Variants in OR1J2 observed in about 807,000 individuals in gnomAD.
OR1J2 encodes olfactory receptor 1J2.
For synonymous variants in OR1J2, 142 were observed against 99.7 expected, an observed-to-expected ratio of 1.42 and a Z score of -2.52; for missense variants, 304 against 246.1, an observed-to-expected ratio of 1.24 and a Z score of -1.57.
At chr9:122,558,240 GT>G in the OR1J2 span, among the ~76,000 whole-genome samples, 1 of 121,516 alleles carries the variant, frequency 8.2e-6, no homozygotes, top group Non-Finnish European at 1.8e-5. Flanking sequence ...AATTTTTATT[GT>G]TTTTTTCTTG....
chr9:122,529,488 A>G, the OR1J2 span, among the ~76,000 whole-genome samples: 1 of 152,190 alleles, frequency 6.6e-6, no homozygotes, highest in Admixed American at 6.5e-5. Context: ...TAGGGCACCA[A>G]CTGCTTAACA....
chr9:122,546,304 C>T, the OR1J2 span, among the ~76,000 whole-genome samples: 1 of 152,232 alleles, frequency 6.6e-6, no homozygotes, highest in East Asian at 1.9e-4. Context: ...GCCACTCTTC[C>T]TATTGAGAGA....
the OR1J2 span, among the ~76,000 whole-genome samples, chr9:122,494,246 G>C: frequency 6.6e-6 from 1 of 152,226 alleles, no homozygotes; most frequent in South Asian, 2.1e-4. Context: ...TTGACTTTCT[G>C]TCTTGATAAC....
chr9:122,536,802 A>T, the OR1J2 span, among the ~76,000 whole-genome samples: 3 of 152,168 alleles, frequency 2.0e-5, no homozygotes, highest in Non-Finnish European at 4.4e-5. Flanking sequence ...TGCCAGCACC[A>T]TTTATTGAAT....
chr9:122,567,235 T>A, the OR1J2 span: 1 of 222,612 alleles, frequency 4.5e-6, no homozygotes, highest in Non-Finnish European at 8.8e-6. Flanking sequence ...TCTGCCTTAA[T>A]AAAAGGAGAG....
chr9:122,519,655 A>C, the OR1J2 span: 50 of 1,613,966 alleles, frequency 3.1e-5, no homozygotes, highest in East Asian at 1.0e-3. Flanking sequence ...TGTGCTGACA[A>C]CACCATCCCC....
chr9:122,540,987 A>G, the OR1J2 span, among the ~76,000 whole-genome samples: 1 of 152,274 alleles, frequency 6.6e-6, no homozygotes, highest in African/African-American at 2.4e-5. Flanking sequence ...ACTTTGCTGA[A>G]GTTGCCTATG....
chr9:122,470,212 G>A, the OR1J2 span, among the ~76,000 whole-genome samples: 1 of 152,170 alleles, frequency 6.6e-6, no homozygotes, highest in Admixed American at 6.5e-5. Context: ...TGGTTTTGTG[G>A]GCAGGGCCCA....
At chr9:122,567,509 G>T in the OR1J2 span, 2 of 1,417,072 alleles carry the variant, frequency 1.4e-6, no homozygotes, top group South Asian at 1.4e-5. Flanking sequence ...CGTCCAAGTT[G>T]AGCAGATTCC....
chr9:122,576,519 G>A, the OR1J2 span, among the ~76,000 whole-genome samples: 1 of 152,038 alleles, frequency 6.6e-6, no homozygotes, highest in Non-Finnish European at 1.5e-5. Context: ...ACAGGCATGA[G>A]CCATTGCACC....
the OR1J2 span, among the ~76,000 whole-genome samples, chr9:122,474,630 T>C: frequency 6.6e-6 from 1 of 152,222 alleles, no homozygotes. Flanking sequence ...AGGGGGCTCA[T>C]GCTTACGTGT....
the OR1J2 span, among the ~76,000 whole-genome samples, chr9:122,495,180 C>T: frequency 1.3e-5 from 2 of 152,250 alleles, no homozygotes; most frequent in South Asian, 4.1e-4. Flanking sequence ...GATCTTTTTA[C>T]AATCAGTTTC....
At chr9:122,554,762 T>C in the OR1J2 span, among the ~76,000 whole-genome samples, 1 of 152,088 alleles carries the variant, frequency 6.6e-6, no homozygotes, top group Non-Finnish European at 1.5e-5. Flanking sequence ...ATATATGTTA[T>C]GGTATTCCTT....
chr9:122,526,611 G>A, the OR1J2 span: 1 of 1,614,170 alleles, frequency 6.2e-7, no homozygotes. Context: ...CCCACCACGG[G>A]TTCGGACCCT....
At position 122,511,707 on chromosome 9, in the gene OR1J2, G is replaced by A. The variant is rs770357147; in HGVS notation, c.906G>A (p.Gly302=). 1 of 780,864 alleles carries A rather than the reference G, an allele frequency of 1.3e-6. No homozygotes were observed. The highest frequency in any genetic ancestry group is 1.7e-5 in the African/African-American group (1 of 59,124). The allele number at this position is 780,864 out of a possible 1,614,324, so 48.4% of individuals were successfully genotyped here. Residue 302 remains glycine (G), a synonymous_variant, in exon 1 of 1, where the codon GGG becomes GGA. Transcript: ENST00000335302. ...ACAGGGACATGAAAGAGGCCCTTGG[G>A]AAACTCTTCAGTAGAGCAACATTTT... ...LRNRDMKEAL[G]KLFSRATFFS...
At chr9:122,545,938 G>A in the OR1J2 span, among the ~76,000 whole-genome samples, 1 of 151,258 alleles carries the variant, frequency 6.6e-6, no homozygotes, top group Admixed American at 6.6e-5. Context: ...ACATAGCTCT[G>A]TGCTTCCTGC....
chr9:122,477,312 T>C, the OR1J2 span: 3 of 1,614,190 alleles, frequency 1.9e-6, no homozygotes, highest in Non-Finnish European at 2.5e-6. Flanking sequence ...GCATAATGGC[T>C]GTCAATGCTG....
At chr9:122,502,112 GCCAGAGAAAAC>G in the OR1J2 span, among the ~76,000 whole-genome samples, 1 of 152,184 alleles carries the variant, frequency 6.6e-6, no homozygotes, top group Non-Finnish European at 1.5e-5. Flanking sequence ...GGCTCCAGTG[GCCAGAGAAAAC>G]CCTTAAGAAA....
At chr9:122,540,957 C>G in the OR1J2 span, among the ~76,000 whole-genome samples, 5 of 152,140 alleles carry the variant, frequency 3.3e-5, no homozygotes, top group African/African-American at 4.8e-5. Context: ...GATTTTTGCA[C>G]ATTGATTTTG....
Sources: allele counts gnomAD v4.1 joint callset (sites outside exome capture counted in the v4.1 genomes callset), GRCh38; gene constraint gnomAD v4.1.1; transcripts MANE v1.5; gene names NCBI Gene and HGNC (gene_info 2026-07-23, HGNC 2026-07-21).